ME3: variants seen among roughly 807,000 people sequenced by gnomAD.
ME3 encodes the protein NADP-dependent malic enzyme, mitochondrial.
ME3 carries 48 observed loss-of-function variants against 68.9 expected under a neutral mutation model. That is an observed-to-expected ratio of 0.70 (90% confidence interval 0.55 to 0.89). The LOEUF is 0.89. ME3 is among the 40% of genes least tolerant of loss of function. ME3 has a pLI of 0.00. For missense variants in ME3, 675 were observed against 797.4 expected (o/e 0.85, Z 1.85); for synonymous variants, 320 against 318.8 (o/e 1.00, Z -0.04).
intron 5 of ME3, among the ~76,000 whole-genome samples, chr11:86,508,038 A>C (rs1478100004): frequency 1.3e-5 from 2 of 152,026 alleles, no homozygotes; most frequent in South Asian, 2.1e-4. Flanking sequence ...GGTATACAGA[A>C]ATGTTTTCTT....
At chr11:86,583,891 T>A (rs776282567) in intron 2 of ME3, among the ~76,000 whole-genome samples, 1 of 152,128 alleles carries the variant, frequency 6.6e-6, no homozygotes, top group Non-Finnish European at 1.5e-5. Context: ...AAAAACTTTA[T>A]GACATTGGAC....
intron 7 of ME3, among the ~76,000 whole-genome samples, chr11:86,471,241 T>G (rs945017754): frequency 4.2e-5 from 6 of 141,658 alleles, no homozygotes; most frequent in African/African-American, 7.8e-5. Flanking sequence ...GTTCAAGCAA[T>G]TCTCCTGCCT....
At chr11:86,625,773 T>G (rs1042869478) in intron 2 of ME3, among the ~76,000 whole-genome samples, 1 of 152,192 alleles carries the variant, frequency 6.6e-6, no homozygotes, top group African/African-American at 2.4e-5. Flanking sequence ...AGTATAGTAT[T>G]AATAGTACAG....
At chr11:86,538,549 C>T (rs1454173671) in intron 4 of ME3, among the ~76,000 whole-genome samples, 1 of 152,132 alleles carries the variant, frequency 6.6e-6, no homozygotes, top group Non-Finnish European at 1.5e-5. Context: ...GACAATTCTT[C>T]CTCTCACTTT....
At chr11:86,446,708 G>T (rs1175576356) in intron 12 of ME3, among the ~76,000 whole-genome samples, 1 of 152,232 alleles carries the variant, frequency 6.6e-6, no homozygotes, top group Non-Finnish European at 1.5e-5. Context: ...GAAAGGTGAT[G>T]GGGTTCACAG....
chr11:86,512,111 G>A (rs1429065175), intron 4 of ME3, among the ~76,000 whole-genome samples: 1 of 152,108 alleles, frequency 6.6e-6, no homozygotes, highest in Non-Finnish European at 1.5e-5. Context: ...TTCCTTTACT[G>A]CAATACCATG....
At chr11:86,494,612 G>T (rs1427401954) in intron 6 of ME3, among the ~76,000 whole-genome samples, 3 of 151,626 alleles carry the variant, frequency 2.0e-5, no homozygotes, top group Admixed American at 6.6e-5. Context: ...CCCAGGGAAG[G>T]TTCTCTCCCC....
At chr11:86,510,552 G>A (rs1307593829) in intron 4 of ME3, among the ~76,000 whole-genome samples, 3 of 151,998 alleles carry the variant, frequency 2.0e-5, no homozygotes, top group Admixed American at 6.6e-5. Context: ...ATAGACCAGC[G>A]TTTCTCACCT....
intron 4 of ME3, among the ~76,000 whole-genome samples, chr11:86,520,806 G>C (rs747192278): frequency 1.1e-4 from 16 of 151,714 alleles, no homozygotes; most frequent in Non-Finnish European, 1.9e-4. Flanking sequence ...TGTGAGAATG[G>C]AGCATTTAGA....
At position 86,523,318 on chromosome 11, in the gene ME3, G is replaced by A. The variant is rs1035343432; in HGVS notation, c.468-14451C>T. On this transcript the variant is annotated intron_variant, in intron 4 of 14. Coordinates refer to ENST00000543262, the Ensembl canonical transcript of ME3. ...CTCATTTACACCTGAGATTAACGAA[G>A]CTCAATAAAATGAGGTAATATCACT... Among the ~76,000 whole-genome samples the A allele has an allele frequency of 5.3e-5, 8 of 152,204 alleles. No homozygotes were observed. In the East Asian group the frequency reaches 7.7e-4, roughly 15 times the overall value.
At chr11:86,520,760 G>T (rs1459881962) in intron 4 of ME3, among the ~76,000 whole-genome samples, 1 of 152,200 alleles carries the variant, frequency 6.6e-6, no homozygotes, top group Admixed American at 6.5e-5. Flanking sequence ...CTTCAGAAAG[G>T]GATTTCTGCA....
chr11:86,660,904 C>A (rs1363849007), intron 2 of ME3, among the ~76,000 whole-genome samples: 1 of 151,174 alleles, frequency 6.6e-6, no homozygotes, highest in Non-Finnish European at 1.5e-5. Flanking sequence ...TTTCAAAATT[C>A]TCCAGTCCCC....
chr11:86,650,007 C>G (rs543383415), intron 2 of ME3, among the ~76,000 whole-genome samples: 42 of 152,274 alleles, frequency 2.8e-4, no homozygotes, highest in Admixed American at 1.4e-3. Flanking sequence ...CAAGACAATC[C>G]TAAGCAAAAA....
At chr11:86,510,655 C>G (rs1314714687) in intron 4 of ME3, among the ~76,000 whole-genome samples, 1 of 152,110 alleles carries the variant, frequency 6.6e-6, no homozygotes, top group Non-Finnish European at 1.5e-5. Flanking sequence ...CATCCTTGGC[C>G]TCTACTTTCC....
At position 86,446,308 on chromosome 11, in the gene ME3, T is replaced by G; in HGVS notation, c.1554+6A>C. 1 of 1,613,766 alleles carries G rather than the reference T, an allele frequency of 6.2e-7. No individual in the cohort carries two copies. The highest frequency in any genetic ancestry group is 8.5e-7 in the Non-Finnish European group (1 of 1,180,014). ...CAAGCATTTGAGGGAGCAAGGACAG[T>G]GATACCTCTGCTGTCAGGAGGAAGA... is the stretch of plus-strand genomic sequence containing the variant. On this transcript the variant is annotated splice_donor_region_variant and intron_variant, in intron 13 of 14. Coordinates refer to ENST00000543262, the Ensembl canonical transcript of ME3.
At chr11:86,531,361 G>A (rs1955215938) in intron 4 of ME3, among the ~76,000 whole-genome samples, 1 of 152,080 alleles carries the variant, frequency 6.6e-6, no homozygotes, top group African/African-American at 2.4e-5. Context: ...AGGTGCTGGA[G>A]AGGATGTGGA....
At chr11:86,615,941 T>A (rs577832899) in intron 2 of ME3, among the ~76,000 whole-genome samples, 2 of 152,302 alleles carry the variant, frequency 1.3e-5, no homozygotes, top group South Asian at 4.1e-4. Flanking sequence ...AACATCCTAA[T>A]TGCATAGAAT....
At chr11:86,489,453 A>G (rs960082844) in intron 6 of ME3, among the ~76,000 whole-genome samples, 2 of 152,222 alleles carry the variant, frequency 1.3e-5, no homozygotes, top group African/African-American at 2.4e-5. Context: ...AGTGCCTCCA[A>G]TGTGTCATGT....
At chr11:86,531,991 C>A (rs28803287) in intron 4 of ME3, among the ~76,000 whole-genome samples, 73,699 of 137,632 alleles carry the variant, frequency 0.54, 18,236 homozygotes, top group South Asian at 0.61. Context: ...AAAAACCAAA[C>A]CAAAAAAAAA....
Sources: gnomAD v4.1 joint callset for allele counts (sites outside exome capture counted in the v4.1 genomes callset) on GRCh38, gnomAD v4.1.1 for gene constraint, MANE v1.5 for transcripts, NCBI Gene and HGNC (gene_info 2026-07-23, HGNC 2026-07-21) for gene names.